Variants in SH3PXD2A observed in about 807,000 individuals in gnomAD.
SH3PXD2A encodes the protein SH3 and PX domain-containing protein 2A.
A neutral mutation model predicts 115.2 loss-of-function variants in SH3PXD2A; 32 were observed. The observed-to-expected ratio is 0.28, with a 90% confidence interval of 0.21 to 0.37. SH3PXD2A has a LOEUF of 0.37. Ranked by LOEUF, SH3PXD2A falls within the 10% of genes least tolerant of loss-of-function variation. The pLI is 1.00. For missense variants in SH3PXD2A, 1,328 were observed against 1,498.7 expected (o/e 0.89, Z 1.88); for synonymous variants, 610 against 629.1 (o/e 0.97, Z 0.45).
At position 103,602,180 on chromosome 10, in the gene SH3PXD2A, C is replaced by T. The variant is rs776241091; in HGVS notation, c.3038G>A (p.Arg1013Gln). Residue 1013 changes from arginine to glutamine, a missense_variant, in exon 15 of 15, where the codon CGA (arginine) becomes CAA (glutamine). Physicochemically the swap from Arg to Gln is conservative, Grantham distance 43. Coordinates refer to ENST00000369774, the MANE Select transcript of SH3PXD2A (RefSeq NM_001394015.1). Reference sequence around the variant, plus strand: ...AGCAGTGCTAAAGGAGGAGTTCCGTCGGACGCCTCGGAGGCCATCAGTGGC... The same window carrying T: ...AGCAGTGCTAAAGGAGGAGTTCCGTTGGACGCCTCGGAGGCCATCAGTGGC... The part of the protein sequence containing the change: ...LTATDGLRGV[R>Q]RNSSFSTARS... 32 of 1,574,300 alleles carry T rather than the reference C, an allele frequency of 2.0e-5. No individual in the cohort carries two copies. The highest frequency in any genetic ancestry group is 6.8e-5 in the African/African-American group (5 of 73,990).
chr10:103,646,409 C>T (rs1466351303), intron 8 of SH3PXD2A, among the ~76,000 whole-genome samples: 1 of 152,196 alleles, frequency 6.6e-6, no homozygotes, highest in Non-Finnish European at 1.5e-5. Context: ...ACAACACTGG[C>T]CCAGACCAGG....
intron 2 of SH3PXD2A, among the ~76,000 whole-genome samples, chr10:103,777,371 C>G (rs2038890158): frequency 6.6e-6 from 1 of 152,258 alleles, no homozygotes; most frequent in South Asian, 2.1e-4. Context: ...TGGGAGGCGT[C>G]TTGGCCTGGG....
rs548550618 is a variant in SH3PXD2A, at chr10:103,844,208, C to T, written c.72+10987G>A. 2.6e-5 allele frequency among the ~76,000 whole-genome samples: 4 copies of T among 152,358 alleles called. No individual in the cohort carries two copies. The South Asian group carries it at 6.2e-4, about 24-fold the overall frequency. ...GGCTGCCACCTCTGGGAATCTCACACTCATCAAGAAGTGATTCTATCCCTT... is the reference window on the plus strand; with the variant it reads ...GGCTGCCACCTCTGGGAATCTCACATTCATCAAGAAGTGATTCTATCCCTT... On this transcript the variant is annotated intron_variant, in intron 1 of 14. Transcript: ENST00000369774.
chr10:103,668,199 G>A (rs1331439504), intron 7 of SH3PXD2A, among the ~76,000 whole-genome samples: 5 of 152,242 alleles, frequency 3.3e-5, no homozygotes, highest in South Asian at 2.1e-4. Context: ...TCACTGAGAC[G>A]GCCAATTGAG....
At chr10:103,658,742 G>A (rs2037247661) in intron 8 of SH3PXD2A, among the ~76,000 whole-genome samples, 1 of 152,220 alleles carries the variant, frequency 6.6e-6, no homozygotes, top group African/African-American at 2.4e-5. Context: ...GCCATGTTCA[G>A]GGAAACTCTT....
chr10:103,801,570 C>CACACA (rs3221859), intron 1 of SH3PXD2A, among the ~76,000 whole-genome samples: 1 of 150,846 alleles, frequency 6.6e-6, no homozygotes, highest in African/African-American at 2.4e-5. Flanking sequence ...CACACACATA[C>CACACA]CCCTAGAGGG....
In SH3PXD2A at chr10:103,666,729, A is replaced by C. The variant is rs374487195; in HGVS notation, c.472+1879T>G. 3.9e-5 allele frequency among the ~76,000 whole-genome samples: 6 copies of C among 152,346 alleles called. No individual in the cohort carries two copies. The highest frequency in any genetic ancestry group is 1.4e-4 in the African/African-American group (6 of 41,576). ...CTCATGGGAATTGTTCTGAGCACGGAATGAAGTGACGGGGCTTCAAGTCCT... is the reference window on the plus strand; with the variant it reads ...CTCATGGGAATTGTTCTGAGCACGGCATGAAGTGACGGGGCTTCAAGTCCT... On this transcript the variant is annotated intron_variant, in intron 7 of 14. Coordinates refer to ENST00000369774, the MANE Select transcript of SH3PXD2A (RefSeq NM_001394015.1). The surrounding 1 kb of genome is among the most constrained non-coding windows in gnomAD (Gnocchi z 4.5).
chr10:103,850,211 A>G (rs1589484767), intron 1 of SH3PXD2A, among the ~76,000 whole-genome samples: 2 of 152,136 alleles, frequency 1.3e-5, no homozygotes, highest in Admixed American at 1.3e-4. Flanking sequence ...GACATCAAAT[A>G]GGTTTATTTT....
At chr10:103,661,689 C>T (rs889867698) in intron 7 of SH3PXD2A, 16 of 985,094 alleles carry the variant, frequency 1.6e-5, no homozygotes, top group South Asian at 4.7e-5. Context: ...GAGGAGAGAG[C>T]GGGAGAGAGC....
intron 9 of SH3PXD2A, among the ~76,000 whole-genome samples, chr10:103,625,424 G>A (rs1016532484): frequency 9.9e-5 from 15 of 152,212 alleles, no homozygotes; most frequent in Non-Finnish European, 1.6e-4. Flanking sequence ...GGTGGACTAG[G>A]GTCCAAACCT....
In SH3PXD2A at chr10:103,620,320, G is replaced by A. The variant is rs543528275; in HGVS notation, c.802+2150C>T. On this transcript the variant is annotated intron_variant, in intron 10 of 14. Coordinates refer to ENST00000369774, the MANE Select transcript of SH3PXD2A (RefSeq NM_001394015.1). The surrounding 1 kb of genome is among the most constrained non-coding windows in gnomAD (Gnocchi z 5.3). ...GAGGGCTGGCCAGGCGGTCAGCCGG[G>A]TGGGTGAGGGGGATAGGCCTGCTTT... 1.8e-4 allele frequency among the ~76,000 whole-genome samples: 27 copies of A among 152,202 alleles called. No individual in the cohort carries two copies. Among genetic ancestry groups the A allele is most frequent in the Non-Finnish European group, 3.1e-4 (21 of 68,034 alleles).
In SH3PXD2A at chr10:103,602,373, T is replaced by TG. The variant is rs1389937152; in HGVS notation, c.2844dup (p.Ile949HisfsTer53). ...AAGCCCCCGGGAGGTTTGGAGGGGA[T>TG]GGGGGGCGTGGCCTTCTTGCTCTGG... On this transcript the variant is annotated frameshift_variant, in exon 15 of 15. Transcript: ENST00000369774. LOFTEE classifies it high-confidence loss of function. The TG allele has an allele frequency of 2.5e-6, 4 of 1,613,628 alleles. No individual in the cohort carries two copies. The highest frequency in any genetic ancestry group is 2.2e-5 in the East Asian group (1 of 44,878).
chr10:103,758,973 C>T (rs1352197733), intron 3 of SH3PXD2A, among the ~76,000 whole-genome samples: 1 of 152,190 alleles, frequency 6.6e-6, no homozygotes, highest in Non-Finnish European at 1.5e-5. Flanking sequence ...GCCACAACCT[C>T]CCTCATAGCA....
chr10:103,686,090 A>G (rs1490029090), intron 6 of SH3PXD2A, among the ~76,000 whole-genome samples: 1 of 152,226 alleles, frequency 6.6e-6, no homozygotes, highest in Middle Eastern at 3.2e-3. Flanking sequence ...TCAGCTAATA[A>G]TACAGTTTTA....
chr10:103,841,237 G>C (rs755109651), intron 1 of SH3PXD2A, among the ~76,000 whole-genome samples: 1 of 152,226 alleles, frequency 6.6e-6, no homozygotes, highest in South Asian at 2.1e-4. Flanking sequence ...ATGAGGAGGG[G>C]GCGTTAAAGA....
intron 2 of SH3PXD2A, among the ~76,000 whole-genome samples, chr10:103,776,425 C>CGTGTGTGT (rs1467993816): frequency 1.8e-5 from 2 of 112,118 alleles, no homozygotes; most frequent in Admixed American, 9.4e-5. Context: ...TGTGTGCATG[C>CGTGTGTGT]GTGTGTGTGT....
In SH3PXD2A at chr10:103,839,867, G is replaced by A. The variant is rs542678220; in HGVS notation, c.72+15328C>T. ...GATTCTGGAGTCCGAGTTTGCAACC[G>A]CCATGCACACATGCCTCACTACAGG... On this transcript the variant is annotated intron_variant, in intron 1 of 14. Coordinates refer to ENST00000369774, the MANE Select transcript of SH3PXD2A (RefSeq NM_001394015.1). Among the ~76,000 whole-genome samples, 10 of 152,368 alleles carry A rather than the reference G, an allele frequency of 6.6e-5. No homozygotes were observed. In the South Asian group the frequency reaches 1.0e-3, roughly 16 times the overall value.
chr10:103,721,879 C>T (rs2038186548), intron 5 of SH3PXD2A, among the ~76,000 whole-genome samples: 1 of 152,010 alleles, frequency 6.6e-6, no homozygotes, highest in Admixed American at 6.5e-5. Flanking sequence ...GACCACAGTC[C>T]CCAAACCAGT....
At chr10:103,718,319 G>C (rs977216162) in intron 5 of SH3PXD2A, among the ~76,000 whole-genome samples, 1 of 152,154 alleles carries the variant, frequency 6.6e-6, no homozygotes, top group Non-Finnish European at 1.5e-5. Flanking sequence ...ACGGGGCCAA[G>C]GGCATGTCTT....
Sources: allele counts gnomAD v4.1 joint callset (sites outside exome capture counted in the v4.1 genomes callset), GRCh38; gene constraint gnomAD v4.1.1; non-coding constraint Gnocchi (gnomAD v3.1); transcripts MANE v1.5; gene names NCBI Gene and HGNC (gene_info 2026-07-23, HGNC 2026-07-21).